The following IBTK variants were observed in gnomAD, a reference collection of about 807,000 sequenced individuals.
IBTK encodes BTK-binding protein.
IBTK carries 83 observed loss-of-function variants against 154.9 expected under a neutral mutation model. That is an observed-to-expected ratio of 0.54 (90% CI 0.45 to 0.64). The LOEUF (loss-of-function observed/expected upper bound fraction) is 0.64. IBTK is among the 30% of genes least tolerant of loss of function. The pLI, the probability that IBTK is intolerant of heterozygous loss-of-function variation, is 0.00. For missense variants in IBTK, 1,332 were observed against 1,584.6 expected (o/e 0.84, Z 2.71); for synonymous variants, 515 against 536.1 (o/e 0.96, Z 0.54).
intron 1 of IBTK, among the ~76,000 whole-genome samples, chr6:82,244,864 T>G (rs1243906178): frequency 6.6e-6 from 1 of 151,628 alleles, no homozygotes; most frequent in African/African-American, 2.4e-5. Context: ...AATACAGATC[T>G]GTTTAATGAT....
At chr6:82,195,721 T>C (rs186552820) in intron 22 of IBTK, among the ~76,000 whole-genome samples, 19 of 152,328 alleles carry the variant, frequency 1.2e-4, no homozygotes, top group Non-Finnish European at 1.9e-4. Flanking sequence ...TCTATCTCTA[T>C]TCAGTTACAC....
intron 25 of IBTK, chr6:82,188,891 G>A (rs1768653037): frequency 4.0e-6 from 1 of 249,526 alleles, no homozygotes; most frequent in Non-Finnish European, 7.9e-6. Context: ...TTAGCCGGGT[G>A]TGGTGGTAGG....
intron 8 of IBTK, among the ~76,000 whole-genome samples, chr6:82,221,523 C>T (rs1210958432): frequency 6.6e-6 from 1 of 152,146 alleles, no homozygotes; most frequent in Non-Finnish European, 1.5e-5. Flanking sequence ...ATTAGCTACA[C>T]ATTTCATTAT....
rs1292923878 is a variant in IBTK at position 82,224,090 on chromosome 6, CAT to C, written c.919_920del (p.Met307GlyfsTer31). ...VLWTREAVYT[M>X]GLNGGQLGCL... ...TACCCAGTTGTCCACCATTTAGTCCCATAGTGTAAACAGCTTCTCTAGTCCAT... is the reference window on the plus strand; with the variant it reads ...TACCCAGTTGTCCACCATTTAGTCCCAGTGTAAACAGCTTCTCTAGTCCAT... On this transcript the variant is annotated frameshift_variant, in exon 7 of 29. Coordinates refer to ENST00000306270, the MANE Select transcript of IBTK (RefSeq NM_015525.4). LOFTEE classifies it high-confidence loss of function. The C allele has an allele frequency of 1.2e-6, 2 of 1,602,200 alleles. No individual in the cohort carries two copies. The highest frequency in any genetic ancestry group is 2.7e-5 in the African/African-American group (2 of 74,616).
Position 82,219,551 on chromosome 6 carries a change from ATTAT to A in IBTK, c.1248+1035_1248+1038del, listed in dbSNP as rs1338414393. On this transcript the variant is annotated intron_variant, in intron 9 of 28. Coordinates refer to ENST00000306270, the MANE Select transcript of IBTK (RefSeq NM_015525.4). ...AATATAATTTTTAAAATCTAAATAT[ATTAT>A]TTAGAGATGGCTCCCACCCTCCCAC... 4.6e-5 allele frequency among the ~76,000 whole-genome samples: 7 copies of A among 151,744 alleles called. No individual in the cohort carries two copies. The East Asian group carries it at 9.7e-4, about 21-fold the overall frequency.
intron 22 of IBTK, among the ~76,000 whole-genome samples, chr6:82,194,957 A>T (rs1768925248): frequency 6.6e-6 from 1 of 152,234 alleles, no homozygotes; most frequent in African/African-American, 2.4e-5. Context: ...ATGAAGCAGT[A>T]ATTTTAAAAT....
At chr6:82,195,095 A>G (rs1444657923) in intron 22 of IBTK, among the ~76,000 whole-genome samples, 1 of 152,152 alleles carries the variant, frequency 6.6e-6, no homozygotes. Flanking sequence ...AGGAACCCTA[A>G]AACTACTGCT....
At chr6:82,187,901 T>C (rs1768612595) in intron 25 of IBTK, among the ~76,000 whole-genome samples, 1 of 152,168 alleles carries the variant, frequency 6.6e-6, no homozygotes, top group African/African-American at 2.4e-5. Flanking sequence ...ACAAAGTCTA[T>C]ACACTAAATG....
intron 3 of IBTK, among the ~76,000 whole-genome samples, chr6:82,232,527 T>C (rs1770547212): frequency 6.6e-6 from 1 of 152,240 alleles, no homozygotes; most frequent in Non-Finnish European, 1.5e-5. Context: ...AATGGAATTA[T>C]CACTGTTAAC....
In IBTK at chr6:82,176,854, C is replaced by T. The variant is rs138084215; in HGVS notation, c.3726-3416G>A. Among the ~76,000 whole-genome samples, 17 of 152,234 alleles carry T rather than the reference C, an allele frequency of 1.1e-4. No individual in the cohort carries two copies. The East Asian group carries it at 3.3e-3, about 29-fold the overall frequency. ...ACCATAAGCATTCCTATCTTCTTAA[C>T]TCCCACGATTTCCTCTGTTTATACT... On this transcript the variant is annotated intron_variant, in intron 26 of 28. Transcript: ENST00000306270.
At chr6:82,191,317 G>A (rs1768760595) in intron 24 of IBTK, 101 bp from the exon 25 acceptor site, 3 of 895,354 alleles carry the variant, frequency 3.4e-6, no homozygotes, top group African/African-American at 1.7e-5. Flanking sequence ...ATTAATTTCT[G>A]CTTAATAAAG....
rs113035688 is a variant in IBTK at position 82,202,710 on chromosome 6, C to T, written c.2612-65G>A. 1,030 of 825,820 alleles carry T rather than the reference C, an allele frequency of 1.2e-3. 7 individuals carry two copies. In the African/African-American group the frequency reaches 0.015, roughly 12 times the overall value. The allele number at this position is 825,820 out of a possible 1,614,324, so 51.2% of individuals were successfully genotyped here. A position where few individuals can be genotyped will look rare whatever the true frequency, so the allele number is the denominator to read the frequency against. On this transcript the variant is annotated intron_variant, in intron 17 of 28. Transcript: ENST00000306270. ...CACATTACCACAGCAAAATAAAATA[C>T]ATTTATGTCTAAAGCTGTACGATTT...
intron 3 of IBTK, among the ~76,000 whole-genome samples, chr6:82,233,780 C>A (rs549342602): frequency 7.3e-6 from 1 of 137,582 alleles, no homozygotes; most frequent in Middle Eastern, 4.3e-3. Flanking sequence ...GTGGCAAGAT[C>A]TCAACTCACT....
chr6:82,178,410 C>T (rs1014663930), intron 26 of IBTK, among the ~76,000 whole-genome samples: 1 of 151,940 alleles, frequency 6.6e-6, no homozygotes, highest in Non-Finnish European at 1.5e-5. Context: ...TATAAAAATA[C>T]AAAACTTATC....
At chr6:82,207,046 C>T (rs141445444) in intron 16 of IBTK, among the ~76,000 whole-genome samples, 42 of 152,210 alleles carry the variant, frequency 2.8e-4, no homozygotes, top group African/African-American at 1.0e-3. Flanking sequence ...ACCACTGTTG[C>T]CACTTCTATT....
chr6:82,230,381 G>A (rs1322589238), intron 4 of IBTK, among the ~76,000 whole-genome samples: 1 of 152,124 alleles, frequency 6.6e-6, no homozygotes, highest in African/African-American at 2.4e-5. Context: ...CACAGAGTTT[G>A]GACTTTATCC....
At chr6:82,212,300 T>G (rs1769683474) in intron 13 of IBTK, among the ~76,000 whole-genome samples, 1 of 152,150 alleles carries the variant, frequency 6.6e-6, no homozygotes, top group African/African-American at 2.4e-5. Context: ...AAACAAAACT[T>G]TTTAACAATA....
chr6:82,182,946 G>A (rs1768372741), intron 25 of IBTK, among the ~76,000 whole-genome samples: 1 of 152,072 alleles, frequency 6.6e-6, no homozygotes, highest in African/African-American at 2.4e-5. Flanking sequence ...GCCAAACCTT[G>A]ACTGCAGCAC....
chr6:82,238,256 T>A (rs1328077876), intron 2 of IBTK, among the ~76,000 whole-genome samples: 2 of 151,604 alleles, frequency 1.3e-5, no homozygotes, highest in African/African-American at 4.8e-5. Context: ...AAAAAAATAA[T>A]AATAAAAATA....
Sources: allele counts gnomAD v4.1 joint callset (sites outside exome capture counted in the v4.1 genomes callset), GRCh38; gene constraint gnomAD v4.1.1; transcripts MANE v1.5; gene names NCBI Gene and HGNC (gene_info 2026-07-23, HGNC 2026-07-21).